The following TNFAIP8L3 variants were observed in gnomAD, a reference collection of about 807,000 sequenced individuals.
TNFAIP8L3 encodes the protein tumor necrosis factor alpha-induced protein 8-like protein 3.
TNFAIP8L3 carries 7 observed loss-of-function variants against 11.8 expected under a neutral mutation model. The ratio of observed to expected loss-of-function variants is 0.59; its 90% confidence interval spans 0.34 to 1.11. The LOEUF (loss-of-function observed/expected upper bound fraction) is 1.11. TNFAIP8L3 is among the 50% of genes most tolerant of loss of function. The pLI, the probability that TNFAIP8L3 is intolerant of heterozygous loss-of-function variation, is 0.03. For synonymous variants in TNFAIP8L3, 98 were observed against 103.8 expected (o/e 0.94, Z 0.34); for missense variants, 219 against 258.6 (o/e 0.85, Z 1.05).
chr15:51,094,532 G>A lies in TNFAIP8L3; in HGVS notation c.52+12C>T. Reference sequence around the variant, plus strand: ...CAGCCCACCCGCCTGGGCCGTCGCGGCCCCTAGGTACCTGCGGCGGTCACG... The same window carrying A: ...CAGCCCACCCGCCTGGGCCGTCGCGACCCCTAGGTACCTGCGGCGGTCACG... On this transcript the variant is annotated intron_variant, in intron 1 of 1. Coordinates refer to ENST00000637513, the MANE Select transcript of TNFAIP8L3 (RefSeq NM_001311175.2). The surrounding 1 kb of genome is among the most constrained non-coding windows in gnomAD (Gnocchi z 4.4). 2.7e-6 allele frequency: 4 copies of A among 1,492,594 alleles called. No individual in the cohort carries two copies. The highest frequency in any genetic ancestry group is 3.6e-6 in the Non-Finnish European group (4 of 1,125,622). The allele number at this position is 1,492,594 out of a possible 1,614,324, so 92.5% of individuals were successfully genotyped here. A position where few individuals can be genotyped will look rare whatever the true frequency, so the allele number is the denominator to read the frequency against.
chr15:51,096,334 G>A (rs2065513540), upstream of TNFAIP8L3, among the ~76,000 whole-genome samples: 1 of 152,200 alleles, frequency 6.6e-6, no homozygotes, highest in African/African-American at 2.4e-5. Flanking sequence ...ATACAAGTTG[G>A]ATGGATATTG....
At position 51,057,350 on chromosome 15, in the gene TNFAIP8L3, T is replaced by C. The variant is rs776937599; in HGVS notation, c.*531A>G. The C allele has an allele frequency of 2.0e-5, 3 of 152,620 alleles. No individual in the cohort carries two copies. The highest frequency in any genetic ancestry group is 4.8e-5 in the African/African-American group (2 of 41,438). The allele number at this position is 152,620 out of a possible 1,614,324, so 9.5% of individuals were successfully genotyped here. On this transcript the variant is annotated 3_prime_UTR_variant, in exon 2 of 2. Coordinates refer to ENST00000637513, the MANE Select transcript of TNFAIP8L3 (RefSeq NM_001311175.2). ...TAGATTCTATTGTTCTTTTCTCCTA[T>C]GCTGCTTAATAGTCTACATCCAGGT...
rs745768422 is a variant in TNFAIP8L3 at position 51,058,151 on chromosome 15, G to A, written c.345C>T (p.Thr115=). The A allele has an allele frequency of 1.2e-5, 20 of 1,614,076 alleles. No individual in the cohort carries two copies. The highest frequency in any genetic ancestry group is 4.4e-5 in the South Asian group (4 of 91,084). The change falls in exon 2 of 2, where the codon ACC becomes ACT. Residue 115 remains threonine (T), a synonymous_variant. Coordinates refer to ENST00000637513, the MANE Select transcript of TNFAIP8L3 (RefSeq NM_001311175.2). ...VEKFRKKLNQ[T]AMTIVSFYEV... ...CATAGAAGCTGACAATGGTCATGGC[G>A]GTCTGGTTCAGCTTCTTCCGGAACT...
chr15:51,060,953 T>A (rs2065238781), intron 1 of TNFAIP8L3, among the ~76,000 whole-genome samples: 1 of 152,172 alleles, frequency 6.6e-6, no homozygotes, highest in Non-Finnish European at 1.5e-5. Flanking sequence ...CTGGCCAACA[T>A]GGCTAAACCC....
chr15:51,075,045 C>T (rs1348042479), intron 1 of TNFAIP8L3, among the ~76,000 whole-genome samples: 3 of 152,192 alleles, frequency 2.0e-5, no homozygotes, highest in East Asian at 1.9e-4. Context: ...AGAAGTTACT[C>T]AGTATATGTC....
intron 1 of TNFAIP8L3, among the ~76,000 whole-genome samples, chr15:51,085,613 C>T (rs2065421992): frequency 1.4e-5 from 2 of 147,650 alleles, no homozygotes. Flanking sequence ...CCTGGAATAG[C>T]TCCGATTCTT....
intron 1 of TNFAIP8L3, among the ~76,000 whole-genome samples, chr15:51,082,044 A>ATT (rs370927669): frequency 1.2e-4 from 17 of 143,898 alleles, no homozygotes; most frequent in South Asian, 4.5e-4. Flanking sequence ...GAAAGAGTGA[A>ATT]TTTTTTTTTT....
chr15:51,084,758 C>T (rs1402222770), intron 1 of TNFAIP8L3, among the ~76,000 whole-genome samples: 1 of 152,118 alleles, frequency 6.6e-6, no homozygotes, highest in East Asian at 1.9e-4. Context: ...CTTTAGAAGA[C>T]AGGATTCTTG....
chr15:51,083,028 T>C (rs572806319), intron 1 of TNFAIP8L3, among the ~76,000 whole-genome samples: 2 of 152,278 alleles, frequency 1.3e-5, no homozygotes, highest in East Asian at 1.9e-4. Flanking sequence ...TAAGGGTGAT[T>C]GGGGCTAATT....
chr15:51,068,121 T>A (rs1281143901), intron 1 of TNFAIP8L3, among the ~76,000 whole-genome samples: 2 of 152,238 alleles, frequency 1.3e-5, no homozygotes, highest in Non-Finnish European at 2.9e-5. Flanking sequence ...TTCTGATCTT[T>A]AGCTTGTCCT....
At chr15:51,068,967 C>T (rs1050789813) in intron 1 of TNFAIP8L3, among the ~76,000 whole-genome samples, 4 of 152,026 alleles carry the variant, frequency 2.6e-5, no homozygotes, top group African/African-American at 4.8e-5. Context: ...ACCTGGCCTA[C>T]CCCTCCTCTT....
At chr15:51,075,039 G>C (rs1195240877) in intron 1 of TNFAIP8L3, among the ~76,000 whole-genome samples, 1 of 152,204 alleles carries the variant, frequency 6.6e-6, no homozygotes, top group East Asian at 1.9e-4. Context: ...CTATGCAGAA[G>C]TTACTCAGTA....
intron 1 of TNFAIP8L3, among the ~76,000 whole-genome samples, chr15:51,102,243 T>G (rs1469392818): frequency 1.3e-5 from 2 of 152,180 alleles, no homozygotes; most frequent in Non-Finnish European, 2.9e-5. Flanking sequence ...TTTCATCTGA[T>G]GCTGACTCTC....
At position 51,064,686 on chromosome 15, in the gene TNFAIP8L3, G is replaced by A. The variant is rs376149059; in HGVS notation, c.53-6243C>T. The A allele has an allele frequency of 6.6e-5, 10 of 152,252 alleles. No homozygotes were observed. The East Asian group carries it at 1.9e-3, about 29-fold the overall frequency. The allele number at this position is 152,252 out of a possible 1,614,324, so 9.4% of individuals were successfully genotyped here. Reference sequence around the variant, plus strand: ...TACAAATGATTTAAGGGAGAGAGAGGGCACTGAGGGAGCAGTCCCATTTGC... The same window carrying A: ...TACAAATGATTTAAGGGAGAGAGAGAGCACTGAGGGAGCAGTCCCATTTGC... On this transcript the variant is annotated intron_variant, in intron 1 of 1. Transcript: ENST00000637513.
chr15:51,093,047 C>T (rs1324439056), intron 1 of TNFAIP8L3, among the ~76,000 whole-genome samples: 4 of 152,350 alleles, frequency 2.6e-5, no homozygotes, highest in Admixed American at 2.0e-4. Flanking sequence ...ACACACAAAA[C>T]ATCTACTGGA....
chr15:51,069,029 T>A (rs561806672), intron 1 of TNFAIP8L3, among the ~76,000 whole-genome samples: 1 of 152,058 alleles, frequency 6.6e-6, no homozygotes, highest in Non-Finnish European at 1.5e-5. Context: ...AGAGGCAGGC[T>A]TGGGTGCAAT....
chr15:51,072,223 C>T (rs1347856130), intron 1 of TNFAIP8L3, among the ~76,000 whole-genome samples: 1 of 152,146 alleles, frequency 6.6e-6, no homozygotes, highest in African/African-American at 2.4e-5. Context: ...TCACCGCAAC[C>T]TCTGCCTCCT....
intron 1 of TNFAIP8L3, among the ~76,000 whole-genome samples, chr15:51,104,235 C>T (rs992455528): frequency 5.3e-5 from 8 of 152,144 alleles, no homozygotes; most frequent in East Asian, 1.9e-4. Flanking sequence ...TCCATCTCCA[C>T]GGGCTCCCTC....
chr15:51,084,122 G>A (rs1030843109), intron 1 of TNFAIP8L3, among the ~76,000 whole-genome samples: 4 of 152,182 alleles, frequency 2.6e-5, no homozygotes, highest in African/African-American at 7.2e-5. Flanking sequence ...AAGTGTTTAC[G>A]TGTGTGACTG....
Sources: allele counts gnomAD v4.1 joint callset (sites outside exome capture counted in the v4.1 genomes callset), GRCh38; gene constraint gnomAD v4.1.1; non-coding constraint Gnocchi (gnomAD v3.1); transcripts MANE v1.5; gene names NCBI Gene and HGNC (gene_info 2026-07-23, HGNC 2026-07-21).